PCDHGA1: variants seen among roughly 807,000 people sequenced by gnomAD.
The protein encoded by PCDHGA1 is protocadherin gamma-A1.
A neutral mutation model predicts 58.0 loss-of-function variants in PCDHGA1; 32 were observed. The ratio of observed to expected loss-of-function variants is 0.55; its 90% CI spans 0.42 to 0.74. The LOEUF (loss-of-function observed/expected upper bound fraction) is 0.74. Ranked by LOEUF, PCDHGA1 falls within the 30% of genes least tolerant of loss-of-function variation. The pLI, the probability that PCDHGA1 is intolerant of heterozygous loss-of-function variation, is 0.00. For missense variants in PCDHGA1, 1,205 were observed against 1,182.3 expected, an observed-to-expected ratio of 1.02 and a Z score of -0.28; for synonymous variants, 498 against 501.1, an observed-to-expected ratio of 0.99 and a Z score of 0.08.
chr5:141,393,724 C>T (rs959974182), intron 1 of PCDHGA1: 1 of 1,613,570 alleles, frequency 6.2e-7, no homozygotes, highest in Non-Finnish European at 8.5e-7. Context: ...ATATCAATAG[C>T]AAAAAGTCTA....
At position 141,399,193 on chromosome 5, in the gene PCDHGA1, G is replaced by A. The variant is rs138699584; in HGVS notation, c.2421+66088G>A. ...TCTACTTGAAATGATTCTGGAAAAC[G>A]CGGTGCCTGGAACACTAATTGCTTT... is the stretch of plus-strand genomic sequence containing the variant. On this transcript the variant is annotated intron_variant, in intron 1 of 3. Transcript: ENST00000517417. The A allele has an allele frequency of 4.9e-3, 7,970 of 1,613,820 alleles. 45 individuals are homozygous for A. Among genetic ancestry groups the A allele is most frequent in the Admixed American group, 9.4e-3 (567 of 60,008 alleles).
intron 1 of PCDHGA1, chr5:141,418,389 AT>A (rs1429903562): frequency 5.6e-6 from 9 of 1,613,878 alleles, no homozygotes; most frequent in Non-Finnish European, 6.8e-6. Flanking sequence ...CCTAACGAGT[AT>A]TTCTCATTGG....
At chr5:141,390,110 C>T (rs2092051149) in intron 1 of PCDHGA1, 22 of 1,613,970 alleles carry the variant, frequency 1.4e-5, no homozygotes, top group Non-Finnish European at 1.9e-5. Flanking sequence ...CCAACTACAG[C>T]GAGGGGACTT....
intron 1 of PCDHGA1, chr5:141,351,865 C>T: frequency 1.9e-6 from 3 of 1,613,246 alleles, no homozygotes; most frequent in Non-Finnish European, 1.7e-6. Flanking sequence ...ACCAGGGCTC[C>T]CCCGCGCTCA....
At chr5:141,419,298 A>G in intron 1 of PCDHGA1, 1 of 1,613,988 alleles carries the variant, frequency 6.2e-7, no homozygotes, top group Non-Finnish European at 8.5e-7. Context: ...TCTGACCCAG[A>G]CTTCGGGCTC....
At chr5:141,498,264 C>A (rs1272117057) in intron 2 of PCDHGA1, among the ~76,000 whole-genome samples, 2 of 152,016 alleles carry the variant, frequency 1.3e-5, no homozygotes, top group Admixed American at 1.3e-4. Context: ...GTGTTGAGTT[C>A]TTCAGTAAAC....
intron 1 of PCDHGA1, chr5:141,415,641 TAAA>T: frequency 7.8e-7 from 1 of 1,280,840 alleles, no homozygotes; most frequent in African/African-American, 1.5e-5. Context: ...TTACTTTTGT[TAAA>T]AAAAAAAAGA....
rs748457785 is a variant in PCDHGA1 at position 141,489,197 on chromosome 5, A to G, written c.2422-5610A>G. On this transcript the variant is annotated intron_variant, in intron 1 of 3. Coordinates refer to ENST00000517417, the MANE Select transcript of PCDHGA1 (RefSeq NM_018912.3). This position sits in a 1 kb window ranked among gnomAD's most constrained non-coding sequence, Gnocchi z 4.5. ...TCCAAGCCCTGGGTCTACCTTGGAG[A>G]CAGGACAGCACAGACTTACTCTCCA... 7 of 1,391,050 alleles carry G rather than the reference A, an allele frequency of 5.0e-6. No individual in the cohort carries two copies. Among genetic ancestry groups the G allele is most frequent in the African/African-American group, 2.9e-5 (2 of 69,150 alleles). 86.2% of individuals were successfully genotyped at this position (1,391,050 alleles called of 1,614,324 possible).
At chr5:141,366,695 G>A (rs1764747221) in intron 1 of PCDHGA1, 2 of 1,614,238 alleles carry the variant, frequency 1.2e-6, no homozygotes, top group Non-Finnish European at 8.5e-7. Context: ...TGAGAAAAGC[G>A]AGCCTCTTCT....
At chr5:141,460,666 C>G (rs1245201344) in intron 1 of PCDHGA1, among the ~76,000 whole-genome samples, 1 of 151,670 alleles carries the variant, frequency 6.6e-6, no homozygotes, top group South Asian at 2.1e-4. Context: ...ACTGTAAACA[C>G]AGTTATATAT....
chr5:141,356,977 G>A (rs1466660563), intron 1 of PCDHGA1: 1 of 1,614,238 alleles, frequency 6.2e-7, no homozygotes, highest in South Asian at 1.1e-5. Flanking sequence ...CAAAGTGGTG[G>A]CAGTGGACAG....
At chr5:141,376,426 C>T in intron 1 of PCDHGA1, 1 of 1,614,230 alleles carries the variant, frequency 6.2e-7, no homozygotes, top group Non-Finnish European at 8.5e-7. Context: ...CGCTTATCAA[C>T]CAGGAGAGCT....
chr5:141,387,924 CTGCCAG>C (rs145222727), intron 1 of PCDHGA1: 128,031 of 1,478,756 alleles, frequency 0.087, 6,358 homozygotes, highest in Non-Finnish European at 0.099. Context: ...GGCTGAGAGG[CTGCCAG>C]TGCTCTTTCT....
intron 1 of PCDHGA1, chr5:141,341,062 G>A (rs778636604): frequency 6.2e-7 from 1 of 1,614,218 alleles, no homozygotes; most frequent in South Asian, 1.1e-5. Context: ...TGGTGGCGGT[G>A]GCCGCGGTCT....
chr5:141,363,711 G>A (rs1340350758), intron 1 of PCDHGA1, among the ~76,000 whole-genome samples: 1 of 152,188 alleles, frequency 6.6e-6, no homozygotes, highest in Non-Finnish European at 1.5e-5. Context: ...GGCCTGTTTG[G>A]AAAGGTGCAT....
intron 1 of PCDHGA1, chr5:141,392,574 C>G (rs2092557177): frequency 2.2e-6 from 1 of 454,134 alleles, no homozygotes; most frequent in African/African-American, 2.0e-5. Flanking sequence ...CTATTTAGGA[C>G]TGTAAGCGCC....
At position 141,490,027 on chromosome 5, in the gene PCDHGA1, C is replaced by T. The variant is rs767829552; in HGVS notation, c.2422-4780C>T. Reference sequence around the variant, plus strand: ...TGCACCCATTGGTACTCTGCTGCTCCGCCTCAATGCCACTGATCCAGACGA... The same window carrying T: ...TGCACCCATTGGTACTCTGCTGCTCTGCCTCAATGCCACTGATCCAGACGA... On this transcript the variant is annotated intron_variant, in intron 1 of 3. Coordinates refer to ENST00000517417, the MANE Select transcript of PCDHGA1 (RefSeq NM_018912.3). This position sits in a 1 kb window ranked among gnomAD's most constrained non-coding sequence, Gnocchi z 5.4. The T allele has an allele frequency of 2.4e-5, 39 of 1,614,096 alleles. No homozygotes were observed. The highest frequency in any genetic ancestry group is 4.0e-5 in the African/African-American group (3 of 74,942).
In PCDHGA1 at chr5:141,488,566, A is replaced by T. The variant is rs1354931497; in HGVS notation, c.2422-6241A>T. On this transcript the variant is annotated intron_variant, in intron 1 of 3. Coordinates refer to ENST00000517417, the MANE Select transcript of PCDHGA1 (RefSeq NM_018912.3). ...TGTCAGCTGACATTGAGATTTCCGC[A>T]AAGCATTGCTGGAGAGTCAGGGCAA... 5.9e-5 allele frequency among the ~76,000 whole-genome samples: 9 copies of T among 152,324 alleles called. No individual in the cohort carries two copies. In the East Asian group the frequency reaches 1.5e-3, roughly 26 times the overall value.
chr5:141,372,010 C>T (rs965282099), intron 1 of PCDHGA1: 7 of 1,613,262 alleles, frequency 4.3e-6, no homozygotes, highest in Non-Finnish European at 5.1e-6. Context: ...GACCAGGGCT[C>T]GCCTACGCTC....
Sources: allele counts gnomAD v4.1 joint callset (sites outside exome capture counted in the v4.1 genomes callset), GRCh38; gene constraint gnomAD v4.1.1; non-coding constraint Gnocchi (gnomAD v3.1); transcripts MANE v1.5; gene names NCBI Gene and HGNC (gene_info 2026-07-23, HGNC 2026-07-21).